SQSTM1: variants seen among roughly 807,000 people sequenced by gnomAD.
SQSTM1 encodes sequestosome 1, also known as sequestosome-1.
In SQSTM1, 36 loss-of-function variants were observed where a neutral mutation model predicts 45.1. That is an observed-to-expected ratio of 0.80 (90% CI 0.61 to 1.05). SQSTM1 has a LOEUF of 1.05. Ranked by LOEUF, SQSTM1 falls within the 50% of genes least tolerant of loss-of-function variation. The pLI is 0.00. For synonymous variants in SQSTM1, 290 were observed against 244.3 expected, an observed-to-expected ratio of 1.19 and a Z score of -1.74; for missense variants, 617 against 607.1, an observed-to-expected ratio of 1.02 and a Z score of -0.17.
intron 1 of SQSTM1, among the ~76,000 whole-genome samples, chr5:179,810,372 G>C (rs1048781908): frequency 6.6e-6 from 1 of 152,080 alleles, no homozygotes; most frequent in Non-Finnish European, 1.5e-5. Context: ...TGCGGTGTTT[G>C]GTTTTCTGTC....
At chr5:179,834,829 C>T (rs1172216846) in intron 7 of SQSTM1, among the ~76,000 whole-genome samples, 3 of 152,222 alleles carry the variant, frequency 2.0e-5, no homozygotes, top group Admixed American at 6.5e-5. Flanking sequence ...GGCAACCATC[C>T]GATTTCTCAA....
Position 179,837,336 on chromosome 5 carries a change from G to A in SQSTM1, c.*743G>A, listed in dbSNP as rs1010425075. 3.8e-6 allele frequency: 6 copies of A among 1,586,674 alleles called. No individual in the cohort carries two copies. In the African/African-American group the frequency reaches 6.7e-5, roughly 18 times the overall value. On this transcript the variant is annotated 3_prime_UTR_variant, in exon 8 of 8. Transcript: ENST00000389805. Reference sequence around the variant, plus strand: ...AGAGTATCTTTAAAAGTGCCTTAGGGGAACCCTGTCCCTCCTAACAAGTGT... The same window carrying A: ...AGAGTATCTTTAAAAGTGCCTTAGGAGAACCCTGTCCCTCCTAACAAGTGT...
chr5:179,831,922 T>C (rs1758244707), intron 5 of SQSTM1, among the ~76,000 whole-genome samples: 1 of 151,944 alleles, frequency 6.6e-6, no homozygotes, highest in African/African-American at 2.4e-5. Flanking sequence ...TAACTGAGAC[T>C]ACAGGCGATT....
intron 5 of SQSTM1, among the ~76,000 whole-genome samples, chr5:179,830,085 G>C (rs1758148914): frequency 6.6e-6 from 1 of 151,804 alleles, no homozygotes; most frequent in Non-Finnish European, 1.5e-5. Flanking sequence ...CTCCATCCTG[G>C]GAGACAGAAA....
upstream of SQSTM1, among the ~76,000 whole-genome samples, chr5:179,815,422 A>T (rs1365341829): frequency 2.0e-5 from 3 of 152,128 alleles, no homozygotes; most frequent in Non-Finnish European, 4.4e-5. Context: ...GTCTCGAAAA[A>T]AAAAAAGAAA....
intron 7 of SQSTM1, chr5:179,836,032 A>G (rs780104291): frequency 6.6e-6 from 2 of 302,400 alleles, no homozygotes; most frequent in East Asian, 1.6e-4. Context: ...TTCTACCTCC[A>G]AAATGTATCT....
In SQSTM1 at chr5:179,835,741, C is replaced by T. The variant is rs145180927; in HGVS notation, c.1166-695C>T. The stretch of plus-strand genomic sequence containing the variant: ...TTGCATCATCATAGCTTAGCATCTA[C>T]TCATAAGTGAGAACATATGATATTT... On this transcript the variant is annotated intron_variant, in intron 7 of 7. Coordinates refer to ENST00000389805, the MANE Select transcript of SQSTM1 (RefSeq NM_003900.5). 314 of 161,176 alleles carry T rather than the reference C, an allele frequency of 1.9e-3. 8 individuals carry two copies. The East Asian group carries it at 0.05, about 26-fold the overall frequency. The allele number at this position is 161,176 out of a possible 1,614,324, so 10.0% of individuals were successfully genotyped here.
chr5:179,835,947 A>G (rs919389014), intron 7 of SQSTM1: 23 of 230,170 alleles, frequency 1.0e-4, no homozygotes, highest in East Asian at 1.0e-4. Context: ...CATCTTTGCA[A>G]TTGTGAGTTG....
chr5:179,833,536 C>G, intron 6 of SQSTM1, 51 bp from the exon 7 acceptor site: 1 of 1,599,170 alleles, frequency 6.3e-7, no homozygotes, highest in Non-Finnish European at 8.6e-7. Context: ...CATGGTCAGG[C>G]TTGGCCTGTT....
rs1757759662 is a variant in SQSTM1 at position 179,821,159 on chromosome 5, C to T, written c.205+18C>T. The stretch of plus-strand genomic sequence containing the variant: ...CTACCGCGGTGAGCGGGCCGGGGAG[C>T]GGCGGGGGCGGTGACGCAGGCCGGA... On this transcript the variant is annotated intron_variant, in intron 1 of 7. Coordinates refer to ENST00000389805, the MANE Select transcript of SQSTM1 (RefSeq NM_003900.5). The T allele has an allele frequency of 6.8e-6, 9 of 1,325,878 alleles. No homozygotes were observed. The Admixed American group carries it at 1.7e-4, about 25-fold the overall frequency. 82.1% of individuals were successfully genotyped at this position (1,325,878 alleles called of 1,614,324 possible). A position where few individuals can be genotyped will look rare whatever the true frequency, so the allele number is the denominator to read the frequency against.
At chr5:179,823,760 G>A (rs1757878987) in intron 2 of SQSTM1, 98 bp from the exon 3 acceptor site, 4 of 1,345,406 alleles carry the variant, frequency 3.0e-6, no homozygotes, top group Non-Finnish European at 4.2e-6. Flanking sequence ...GGAGAGCAGG[G>A]CCGGGGGCCT....
intron 2 of SQSTM1, chr5:179,813,203 A>G (rs1757482831): frequency 6.6e-6 from 1 of 152,138 alleles, no homozygotes; most frequent in Non-Finnish European, 1.5e-5. Context: ...TAATGATACA[A>G]ACACATGTGC....
chr5:179,823,759 G>T, intron 2 of SQSTM1, 99 bp from the exon 3 acceptor site: 1 of 1,338,378 alleles, frequency 7.5e-7, no homozygotes, highest in South Asian at 1.2e-5. Flanking sequence ...TGGAGAGCAG[G>T]GCCGGGGGCC....
intron 5 of SQSTM1, among the ~76,000 whole-genome samples, chr5:179,826,950 C>T (rs776478460): frequency 2.0e-5 from 3 of 152,064 alleles, no homozygotes; most frequent in East Asian, 1.9e-4. Context: ...ATTGAGAGAT[C>T]GGCTGTGCCT....
chr5:179,809,637 C>CTTTTTTTTT (rs1181470503), intron 1 of SQSTM1, among the ~76,000 whole-genome samples: 1 of 77,648 alleles, frequency 1.3e-5, no homozygotes, highest in Non-Finnish European at 2.4e-5. Flanking sequence ...GCGCCTGGCC[C>CTTTTTTTTT]TTTTTTTTTT....
Position 179,833,769 on chromosome 5 carries a change from A to G in SQSTM1, c.1152A>G (p.Pro384=), listed in dbSNP as rs944423329. The G allele has an allele frequency of 1.2e-6, 2 of 1,613,838 alleles. No individual in the cohort carries two copies. The highest frequency in any genetic ancestry group is 1.7e-6 in the Non-Finnish European group (2 of 1,179,988). Residue 384 remains proline (P), a synonymous_variant, in exon 7 of 8, where the codon CCA becomes CCG. Transcript: ENST00000389805. ...GGCTGAAGGAAGCTGCCTTGTACCC[A>G]CATCTCCCGCCAGGCAAGTGAACCA... ...PTGLKEAALY[P]HLPPEADPRL...
At position 179,833,503 on chromosome 5, in the gene SQSTM1, G is replaced by A. The variant is rs141957916; in HGVS notation, c.970-84G>A. Reference sequence around the variant, plus strand: ...CTGCACGTGTGCATGCGTGCTCCCCGACTGTCTGCCAGGAGCCAGGGCCAT... The same window carrying A: ...CTGCACGTGTGCATGCGTGCTCCCCAACTGTCTGCCAGGAGCCAGGGCCAT... On this transcript the variant is annotated intron_variant, in intron 6 of 7. Coordinates refer to ENST00000389805, the MANE Select transcript of SQSTM1 (RefSeq NM_003900.5). The A allele has an allele frequency of 1.7e-4, 248 of 1,474,250 alleles. No homozygotes were observed. In the African/African-American group the frequency reaches 3.0e-3, roughly 18 times the overall value. 91.3% of individuals were successfully genotyped at this position (1,474,250 alleles called of 1,614,324 possible).
chr5:179,823,990 G>C lies in SQSTM1; in HGVS notation c.434G>C (p.Cys145Ser), dbSNP rs747589923. The C allele has an allele frequency of 3.1e-6, 5 of 1,614,068 alleles. No individual in the cohort carries two copies. In the Admixed American group the frequency reaches 8.3e-5, roughly 27 times the overall value. Residue 145 changes from cysteine to serine, a missense_variant, in exon 3 of 8, where the codon TGC becomes TCC. Transcript: ENST00000389805. ...VVGTRYKCSV[C>S]PDYDLCSVCE... is the part of the protein sequence containing the mutation. ...GGAACCCGCTACAAGTGCAGCGTCT[G>C]CCCAGACTACGACTTGTGTAGCGTC...
At chr5:179,832,614 G>A (rs368114339) in intron 5 of SQSTM1, among the ~76,000 whole-genome samples, 10 of 152,208 alleles carry the variant, frequency 6.6e-5, no homozygotes, top group African/African-American at 1.9e-4. Flanking sequence ...CGTGTGGCCC[G>A]TGTCCTGCAT....
Sources: gnomAD v4.1 joint callset for allele counts (sites outside exome capture counted in the v4.1 genomes callset) on GRCh38, gnomAD v4.1.1 for gene constraint, MANE v1.5 for transcripts, NCBI Gene and HGNC (gene_info 2026-07-23, HGNC 2026-07-21) for gene names.